The following NPEPPS variants were observed in gnomAD, a reference collection of about 807,000 sequenced individuals.
NPEPPS encodes aminopeptidase puromycin sensitive.
In NPEPPS, 14 loss-of-function variants were observed where a neutral mutation model predicts 115.5. The observed-to-expected ratio is 0.12, with a 90% CI of 0.08 to 0.19. NPEPPS has a LOEUF of 0.19. Among genes scored for constraint, NPEPPS ranks in the 10% least tolerant of loss-of-function variants. The probability of loss-of-function intolerance (pLI) is 1.00; values close to 1 mark genes in which losing one functional copy is unlikely to be tolerated. For missense variants in NPEPPS, 523 were observed against 1,110.8 expected, an observed-to-expected ratio of 0.47 and a Z score of 7.52; for synonymous variants, 285 against 390.6, an observed-to-expected ratio of 0.73 and a Z score of 3.19.
At chr17:47,614,503 TA>T (rs1914071408) in intron 19 of NPEPPS, among the ~76,000 whole-genome samples, 1 of 152,220 alleles carries the variant, frequency 6.6e-6, no homozygotes, top group South Asian at 2.1e-4. Context: ...GACAGGAAAT[TA>T]ATTCACCTGC....
At chr17:47,595,912 G>A (rs915465547) in intron 12 of NPEPPS, among the ~76,000 whole-genome samples, 5 of 149,386 alleles carry the variant, frequency 3.3e-5, no homozygotes, top group African/African-American at 1.2e-4. Context: ...AACCTGGGAG[G>A]CAGAAGTTGC....
intron 2 of NPEPPS, 50 bp downstream of exon 2, chr17:47,546,043 G>GGGGTGTGTGTGTGT (rs1555603815): frequency 1.8e-6 from 2 of 1,085,576 alleles, no homozygotes; most frequent in African/African-American, 3.6e-5. Context: ...GCATATGTGG[G>GGGGTGTGTGTGTGT]GTGTGTGTGT....
At chr17:47,556,922 A>G (rs1910081955) in intron 2 of NPEPPS, among the ~76,000 whole-genome samples, 1 of 152,126 alleles carries the variant, frequency 6.6e-6, no homozygotes, top group South Asian at 2.1e-4. Context: ...GATTACAGGC[A>G]TGAGCCACTG....
intron 1 of NPEPPS, among the ~76,000 whole-genome samples, chr17:47,543,006 G>C (rs1001724131): frequency 3.5e-4 from 53 of 151,816 alleles, no homozygotes; most frequent in African/African-American, 1.2e-3. Context: ...GTGTGGTGGT[G>C]CACACCTGTA....
intron 9 of NPEPPS, among the ~76,000 whole-genome samples, chr17:47,590,333 G>A (rs1912423819): frequency 6.6e-6 from 1 of 152,034 alleles, no homozygotes; most frequent in South Asian, 2.1e-4. Flanking sequence ...AGACCAGCCT[G>A]GCCAACATGG....
intron 12 of NPEPPS, among the ~76,000 whole-genome samples, chr17:47,595,155 T>A (rs1290285902): frequency 1.3e-5 from 2 of 152,164 alleles, no homozygotes; most frequent in African/African-American, 4.8e-5. Context: ...GGTTTCGAAC[T>A]CCTGACCTCA....
chr17:47,580,546 T>G (rs1911810343), intron 4 of NPEPPS: 1 of 152,204 alleles, frequency 6.6e-6, no homozygotes, highest in African/African-American at 2.4e-5. Context: ...GAGCAACTTT[T>G]GACATCCAGA....
At chr17:47,572,044 G>A (rs1045757116) in intron 3 of NPEPPS, among the ~76,000 whole-genome samples, 5 of 148,358 alleles carry the variant, frequency 3.4e-5, no homozygotes, top group African/African-American at 1.2e-4. Flanking sequence ...TGAGCGGGCA[G>A]CCACTCTCTG....
chr17:47,596,344 A>G lies in NPEPPS; in HGVS notation c.1427-9A>G. ...TAAACATTTTAGATTATCATTGTTT[A>G]TCTTCTAGAGGATCTCTGGGAAAGT... On this transcript the variant is annotated splice_polypyrimidine_tract_variant and intron_variant, in intron 12 of 22. Transcript: ENST00000322157. The G allele has an allele frequency of 1.4e-6, 2 of 1,479,864 alleles. No individual in the cohort carries two copies. The highest frequency in any genetic ancestry group is 1.8e-6 in the Non-Finnish European group (2 of 1,089,380). The allele number at this position is 1,479,864 out of a possible 1,614,324, so 91.7% of individuals were successfully genotyped here.
upstream of NPEPPS, among the ~76,000 whole-genome samples, chr17:47,528,112 G>A (rs1263008660): frequency 6.6e-6 from 1 of 150,718 alleles, no homozygotes; most frequent in Non-Finnish European, 1.5e-5. Flanking sequence ...GACCAGCCTG[G>A]CTAACATGGT....
chr17:47,532,428 G>T (rs1434240941), intron 1 of NPEPPS, among the ~76,000 whole-genome samples: 1 of 152,018 alleles, frequency 6.6e-6, no homozygotes, highest in Non-Finnish European at 1.5e-5. Flanking sequence ...GGCTGAGGCG[G>T]GCGCACTTGA....
At chr17:47,610,735 C>T (rs974887189) in intron 17 of NPEPPS, among the ~76,000 whole-genome samples, 5 of 151,366 alleles carry the variant, frequency 3.3e-5, no homozygotes, top group Admixed American at 6.6e-5. Context: ...CTCCAGTTTT[C>T]GGCTATTATG....
At chr17:47,602,629 C>T (rs1249268523) in intron 15 of NPEPPS, among the ~76,000 whole-genome samples, 6 of 140,588 alleles carry the variant, frequency 4.3e-5, no homozygotes, top group East Asian at 2.1e-4. Flanking sequence ...CAGGGTGAGA[C>T]GCCATCTCAA....
upstream of NPEPPS, among the ~76,000 whole-genome samples, chr17:47,526,945 G>A (rs1907460974): frequency 6.6e-6 from 1 of 151,976 alleles, no homozygotes; most frequent in African/African-American, 2.4e-5. Context: ...GCGGCAGAGC[G>A]AGACTCTGTC....
At chr17:47,541,388 T>A (rs1908752438) in intron 1 of NPEPPS, among the ~76,000 whole-genome samples, 3 of 152,148 alleles carry the variant, frequency 2.0e-5, no homozygotes, top group African/African-American at 7.2e-5. Context: ...ATTTTTTTTT[T>A]TTTTTAAGAT....
At chr17:47,553,056 T>A (rs1447764542) in intron 2 of NPEPPS, among the ~76,000 whole-genome samples, 2 of 152,116 alleles carry the variant, frequency 1.3e-5, no homozygotes, top group Non-Finnish European at 2.9e-5. Context: ...TCTGTACTAC[T>A]TTTCAATGGA....
Position 47,552,893 on chromosome 17 carries a change from C to T in NPEPPS, c.340+6900C>T, listed in dbSNP as rs1909745647. ...TTCATATAGAGAACAACCGTAGGCACAGAGAGGGTATCTACTTTAGGTAAT... is the reference window on the plus strand; with the variant it reads ...TTCATATAGAGAACAACCGTAGGCATAGAGAGGGTATCTACTTTAGGTAAT... On this transcript the variant is annotated intron_variant, in intron 2 of 22. Coordinates refer to ENST00000322157, the MANE Select transcript of NPEPPS (RefSeq NM_006310.4). Among the ~76,000 whole-genome samples, 3 of 152,240 alleles carry T rather than the reference C, an allele frequency of 2.0e-5. No homozygotes were observed. The South Asian group carries it at 6.2e-4, about 32-fold the overall frequency.
At chr17:47,554,283 T>TC (rs1219528067) in intron 2 of NPEPPS, among the ~76,000 whole-genome samples, 1 of 151,642 alleles carries the variant, frequency 6.6e-6, no homozygotes, top group Non-Finnish European at 1.5e-5. Context: ...CAGGTGATCT[T>TC]CCCCCCTCAG....
chr17:47,531,483 C>T lies in NPEPPS; in HGVS notation c.183C>T (p.Ile61=), dbSNP rs769086867. Residue 61 remains isoleucine (I), a synonymous_variant, in exon 1 of 23, where the codon ATC becomes ATT. Transcript: ENST00000322157. ...GGCTGCCTGCCGATGTCTCCCCCAT[C>T]AACTACAGCCTTTGCCTCAAGCCCG... The part of the protein sequence containing the change: ...FERLPADVSP[I]NYSLCLKPDL... The T allele has an allele frequency of 3.7e-6, 6 of 1,607,458 alleles. No individual in the cohort carries two copies. Among genetic ancestry groups the T allele is most frequent in the Non-Finnish European group, 5.1e-6 (6 of 1,178,058 alleles).
Sources: allele counts gnomAD v4.1 joint callset (sites outside exome capture counted in the v4.1 genomes callset), GRCh38; gene constraint gnomAD v4.1.1; transcripts MANE v1.5; gene names NCBI Gene and HGNC (gene_info 2026-07-23, HGNC 2026-07-21).